Variants in KAZN observed in about 807,000 individuals in gnomAD.
KAZN encodes kazrin, periplakin interacting protein.
KAZN carries 40 observed loss-of-function variants against 87.4 expected under a neutral mutation model. The ratio of observed to expected loss-of-function variants is 0.46; its 90% CI spans 0.36 to 0.60. KAZN has a LOEUF of 0.60. Ranked by LOEUF, KAZN falls within the 20% of genes least tolerant of loss-of-function variation. KAZN has a pLI of 0.00. For missense variants in KAZN, 898 were observed against 1,073.9 expected, an observed-to-expected ratio of 0.84 and a Z score of 2.29; for synonymous variants, 466 against 458.3, an observed-to-expected ratio of 1.02 and a Z score of -0.22.
At chr1:14,284,971 C>T (rs891528108) in intron 2 of KAZN, among the ~76,000 whole-genome samples, 7 of 152,178 alleles carry the variant, frequency 4.6e-5, no homozygotes, top group Admixed American at 3.3e-4. Flanking sequence ...ATTTGTTTTG[C>T]CCCCTACTCT....
intron 1 of KAZN, among the ~76,000 whole-genome samples, chr1:14,117,213 A>G: frequency 6.6e-6 from 1 of 152,160 alleles, no homozygotes; most frequent in East Asian, 1.9e-4. Flanking sequence ...GTGGAATGAT[A>G]TGGTTTGGCT....
At chr1:14,091,572 A>G (rs2101619944) in intron 1 of KAZN, among the ~76,000 whole-genome samples, 1 of 152,346 alleles carries the variant, frequency 6.6e-6, no homozygotes, top group Non-Finnish European at 1.5e-5. Flanking sequence ...ACATCAATTA[A>G]TACATCTTAC....
chr1:14,274,273 G>T (rs1228990016), intron 2 of KAZN, among the ~76,000 whole-genome samples: 2 of 152,152 alleles, frequency 1.3e-5, no homozygotes, highest in African/African-American at 4.8e-5. Flanking sequence ...GGGATAAGTG[G>T]CTCCCTTGCT....
intron 1 of KAZN, among the ~76,000 whole-genome samples, chr1:14,953,847 T>A (rs1662777421): frequency 6.6e-6 from 1 of 152,180 alleles, no homozygotes; most frequent in Non-Finnish European, 1.5e-5. Context: ...GGTAAAGCCT[T>A]ATTTTTGTAA....
At chr1:14,248,073 A>G (rs1649677325) in intron 2 of KAZN, among the ~76,000 whole-genome samples, 1 of 152,212 alleles carries the variant, frequency 6.6e-6, no homozygotes, top group Non-Finnish European at 1.5e-5. Flanking sequence ...ACAAATTAGT[A>G]GGTTTGGAAA....
intron 2 of KAZN, among the ~76,000 whole-genome samples, chr1:14,231,028 A>C (rs1647776776): frequency 6.6e-6 from 1 of 152,164 alleles, no homozygotes; most frequent in Non-Finnish European, 1.5e-5. Flanking sequence ...TCAATGAATG[A>C]GTGTATTTGA....
intron 2 of KAZN, among the ~76,000 whole-genome samples, chr1:14,335,252 G>A (rs1217151114): frequency 6.7e-6 from 1 of 149,858 alleles, no homozygotes; most frequent in African/African-American, 2.5e-5. Flanking sequence ...ACCCAGGCTA[G>A]AATGTAGTGG....
intron 1 of KAZN, among the ~76,000 whole-genome samples, chr1:14,079,575 T>G (rs1417838565): frequency 1.3e-5 from 2 of 152,198 alleles, no homozygotes; most frequent in African/African-American, 4.8e-5. Context: ...ATTTTGTAAA[T>G]GGAAATACCA....
intron 2 of KAZN, among the ~76,000 whole-genome samples, chr1:14,299,341 A>G (rs1469625284): frequency 6.6e-6 from 1 of 152,102 alleles, no homozygotes; most frequent in African/African-American, 2.4e-5. Flanking sequence ...TGTCTCTACT[A>G]AAAATACAAA....
At chr1:14,234,409 T>TA (rs1553148364) in intron 2 of KAZN, among the ~76,000 whole-genome samples, 170 of 137,694 alleles carry the variant, frequency 1.2e-3, no homozygotes, top group African/African-American at 2.9e-3. Flanking sequence ...TGTTAGGGGA[T>TA]GGGGGGCTAG....
intron 2 of KAZN, among the ~76,000 whole-genome samples, chr1:15,003,020 A>G (rs900419689): frequency 6.6e-6 from 1 of 151,380 alleles, no homozygotes; most frequent in East Asian, 1.9e-4. Flanking sequence ...ACACACACAC[A>G]CACACACACA....
chr1:14,777,318 C>T (rs1350472882), intron 1 of KAZN, among the ~76,000 whole-genome samples: 2 of 152,138 alleles, frequency 1.3e-5, no homozygotes, highest in African/African-American at 2.4e-5. Flanking sequence ...TTTCTTTATT[C>T]CTTTAATCTG....
chr1:14,083,567 T>C (rs536879310), intron 1 of KAZN, among the ~76,000 whole-genome samples: 26 of 152,360 alleles, frequency 1.7e-4, no homozygotes, highest in South Asian at 1.4e-3. Flanking sequence ...ACATAAGAGC[T>C]GATGCTAATG....
At chr1:14,205,487 T>C (rs1646720031) in intron 2 of KAZN, among the ~76,000 whole-genome samples, 1 of 152,190 alleles carries the variant, frequency 6.6e-6, no homozygotes, top group Non-Finnish European at 1.5e-5. Flanking sequence ...ATTTCCAATT[T>C]AATTTATTGT....
chr1:14,216,969 G>A (rs1024572407), intron 2 of KAZN, among the ~76,000 whole-genome samples: 40 of 152,164 alleles, frequency 2.6e-4, no homozygotes, highest in African/African-American at 9.2e-4. Context: ...AAAGATCACA[G>A]TTGCTACGGT....
At chr1:14,590,864 A>G (rs988126176) in intron 2 of KAZN, among the ~76,000 whole-genome samples, 1 of 152,184 alleles carries the variant, frequency 6.6e-6, no homozygotes, top group Non-Finnish European at 1.5e-5. Flanking sequence ...TGAGACAGTA[A>G]GCAACTCATC....
At chr1:15,025,379 G>A (rs1330006535) in intron 2 of KAZN, among the ~76,000 whole-genome samples, 1 of 152,176 alleles carries the variant, frequency 6.6e-6, no homozygotes, top group Non-Finnish European at 1.5e-5. Context: ...ATTGCCCTTG[G>A]TTCCATGGAG....
At chr1:14,199,306 G>A (rs1646591475) in intron 2 of KAZN, among the ~76,000 whole-genome samples, 1 of 152,148 alleles carries the variant, frequency 6.6e-6, no homozygotes, top group Admixed American at 6.5e-5. Context: ...GTCAGGCAGT[G>A]GGACTCTCCG....
chr1:14,269,849 C>G (rs532463707), intron 2 of KAZN, among the ~76,000 whole-genome samples: 1 of 152,220 alleles, frequency 6.6e-6, no homozygotes, highest in East Asian at 1.9e-4. Flanking sequence ...ATGAAAAAAC[C>G]GTCAGCTCTG....
Sources: gnomAD v4.1 joint callset for allele counts (sites outside exome capture counted in the v4.1 genomes callset) on GRCh38, gnomAD v4.1.1 for gene constraint, MANE v1.5 for transcripts, NCBI Gene and HGNC (gene_info 2026-07-23, HGNC 2026-07-21) for gene names.